The following LURAP1L variants were observed in gnomAD, a reference collection of about 807,000 sequenced individuals.
LURAP1L encodes the protein leucine rich adaptor protein 1 like, also known as leucine rich adaptor protein 1-like.
LURAP1L carries 12 observed loss-of-function variants against 13.8 expected under a neutral mutation model. The observed-to-expected ratio is 0.87, with a 90% CI of 0.56 to 1.41. LURAP1L has a LOEUF of 1.41. Ranked by LOEUF, LURAP1L falls within the 40% of genes most tolerant of loss-of-function variation. LURAP1L has a pLI of 0.00. For synonymous variants in LURAP1L, 139 were observed against 119.2 expected (o/e 1.17, Z -1.08); for missense variants, 375 against 292.9 (o/e 1.28, Z -2.04).
chr9:12,819,551 T>C (rs1563900442), intron 1 of LURAP1L, among the ~76,000 whole-genome samples: 1 of 152,220 alleles, frequency 6.6e-6, no homozygotes, highest in East Asian at 1.9e-4. Flanking sequence ...TGTCTGATAA[T>C]TCCAGAAACT....
At chr9:12,820,637 A>G (rs1819864131) in intron 1 of LURAP1L, among the ~76,000 whole-genome samples, 1 of 152,082 alleles carries the variant, frequency 6.6e-6, no homozygotes, top group South Asian at 2.1e-4. Context: ...AGTCAGATAT[A>G]CAGAAATATT....
At chr9:12,790,684 G>T (rs1405236431) in intron 1 of LURAP1L, 1 of 151,650 alleles carries the variant, frequency 6.6e-6, no homozygotes, top group Admixed American at 6.6e-5. Flanking sequence ...CTCAGATATT[G>T]TCACTCTCAG....
intron 1 of LURAP1L, among the ~76,000 whole-genome samples, chr9:12,819,341 C>T (rs955081918): frequency 1.3e-5 from 2 of 152,038 alleles, no homozygotes; most frequent in African/African-American, 4.8e-5. Flanking sequence ...CTTTTGAAAC[C>T]TGTACAATCT....
At chr9:12,810,946 C>A (rs1439384174) in intron 1 of LURAP1L, among the ~76,000 whole-genome samples, 2 of 152,162 alleles carry the variant, frequency 1.3e-5, no homozygotes, top group African/African-American at 4.8e-5. Context: ...ACCAAATTAT[C>A]ATTAGCAGGT....
At chr9:12,816,167 A>C (rs1819802616) in intron 1 of LURAP1L, among the ~76,000 whole-genome samples, 1 of 150,422 alleles carries the variant, frequency 6.6e-6, no homozygotes, top group South Asian at 2.1e-4. Flanking sequence ...CTTCCTATTA[A>C]ATTAAACATT....
At chr9:12,783,965 A>G (rs1819313012) in intron 1 of LURAP1L, among the ~76,000 whole-genome samples, 1 of 151,054 alleles carries the variant, frequency 6.6e-6, no homozygotes, top group Non-Finnish European at 1.5e-5. Context: ...CTGTTGAGAG[A>G]CTCGAATGCA....
At chr9:12,787,525 T>C (rs1273571185) in intron 1 of LURAP1L, among the ~76,000 whole-genome samples, 2 of 152,066 alleles carry the variant, frequency 1.3e-5, no homozygotes, top group South Asian at 2.1e-4. Context: ...CATAGGACCA[T>C]AGCATAGAAA....
intron 1 of LURAP1L, among the ~76,000 whole-genome samples, chr9:12,811,013 G>A (rs1036452112): frequency 2.0e-5 from 3 of 152,008 alleles, no homozygotes; most frequent in Admixed American, 1.3e-4. Flanking sequence ...CTATGCAAAG[G>A]GCCATTGTAC....
At chr9:12,776,146 G>T (rs1819178957) in intron 1 of LURAP1L, 119 bp downstream of exon 1, 1 of 1,051,736 alleles carries the variant, frequency 9.5e-7, no homozygotes. Context: ...CGCTGGGCGC[G>T]TGGGAAATGC....
At chr9:12,795,119 C>T (rs541152639) in intron 1 of LURAP1L, among the ~76,000 whole-genome samples, 102 of 151,954 alleles carry the variant, frequency 6.7e-4, no homozygotes, top group Middle Eastern at 3.4e-3. Context: ...AACCCAAGCC[C>T]CATCTCAGTT....
chr9:12,815,875 A>C (rs1819798195), intron 1 of LURAP1L, among the ~76,000 whole-genome samples: 1 of 152,224 alleles, frequency 6.6e-6, no homozygotes, highest in African/African-American at 2.4e-5. Flanking sequence ...ATTTTTATTC[A>C]AACCCAAATG....
intron 1 of LURAP1L, among the ~76,000 whole-genome samples, chr9:12,802,508 A>C (rs902572709): frequency 6.6e-6 from 1 of 152,152 alleles, no homozygotes; most frequent in African/African-American, 2.4e-5. Context: ...CCATGACAGA[A>C]AGTTTCCTGA....
In LURAP1L at chr9:12,775,462, T is replaced by G. The variant is rs1282866038; in HGVS notation, c.-254T>G. 3 of 448,102 alleles carry G rather than the reference T, an allele frequency of 6.7e-6. No individual in the cohort carries two copies. Among genetic ancestry groups the G allele is most frequent in the Non-Finnish European group, 1.1e-5 (3 of 261,894 alleles). 27.8% of individuals were successfully genotyped at this position (448,102 alleles called of 1,614,324 possible). A position where few individuals can be genotyped will look rare whatever the true frequency, so the allele number is the denominator to read the frequency against. On this transcript the variant is annotated 5_prime_UTR_variant, in exon 1 of 2. It removes an upstream start codon present in the reference 5' UTR. Coordinates refer to ENST00000319264, the MANE Select transcript of LURAP1L (RefSeq NM_203403.2). Reference sequence around the variant, plus strand: ...GTGAGGTGGCCAAAAAGAGAGAGAATGAGGAGATCTTGATCATCTTAGTGT... The same window carrying G: ...GTGAGGTGGCCAAAAAGAGAGAGAAGGAGGAGATCTTGATCATCTTAGTGT...
intron 1 of LURAP1L, among the ~76,000 whole-genome samples, chr9:12,820,758 T>C (rs1382277791): frequency 2.6e-5 from 4 of 152,218 alleles, no homozygotes; most frequent in African/African-American, 9.6e-5. Context: ...TTCAGCACTG[T>C]CTATGTTGAT....
chr9:12,800,790 C>G (rs528108640), intron 1 of LURAP1L, among the ~76,000 whole-genome samples: 215 of 152,254 alleles, frequency 1.4e-3, no homozygotes, highest in Non-Finnish European at 2.5e-3. Context: ...TCCTATATAG[C>G]CTTCAGAACC....
In LURAP1L at chr9:12,821,794, A is replaced by C; in HGVS notation, c.*34A>C. On this transcript the variant is annotated 3_prime_UTR_variant, in exon 2 of 2. Coordinates refer to ENST00000319264, the MANE Select transcript of LURAP1L (RefSeq NM_203403.2). ...TTTTGCATGGGACTGGTGTGCAATG[A>C]ACTTGTATTTATCCTTCTTCTCCGC... 1.9e-6 allele frequency: 3 copies of C among 1,576,134 alleles called. No individual in the cohort carries two copies. Among genetic ancestry groups the C allele is most frequent in the Non-Finnish European group, 2.6e-6 (3 of 1,157,250 alleles).
chr9:12,779,440 A>G (rs1346395042), intron 1 of LURAP1L, among the ~76,000 whole-genome samples: 1 of 151,798 alleles, frequency 6.6e-6, no homozygotes, highest in African/African-American at 2.4e-5. Flanking sequence ...ACGCCCGGCT[A>G]ATTTTTTGTA....
chr9:12,782,342 T>C (rs905662384), intron 1 of LURAP1L, among the ~76,000 whole-genome samples: 2 of 152,198 alleles, frequency 1.3e-5, no homozygotes, highest in Non-Finnish European at 2.9e-5. Context: ...AGAGCAATGT[T>C]ATAGAGAGTT....
At chr9:12,796,151 T>C (rs1365744813) in intron 1 of LURAP1L, among the ~76,000 whole-genome samples, 2 of 152,022 alleles carry the variant, frequency 1.3e-5, no homozygotes, top group Non-Finnish European at 2.9e-5. Flanking sequence ...ATAACATTTA[T>C]CTATGATTTC....
Sources: allele counts gnomAD v4.1 joint callset (sites outside exome capture counted in the v4.1 genomes callset), GRCh38; gene constraint gnomAD v4.1.1; transcripts MANE v1.5; gene names NCBI Gene and HGNC (gene_info 2026-07-23, HGNC 2026-07-21).